Variants in NBAS observed in about 807,000 individuals in gnomAD.
The protein encoded by NBAS is NBAS subunit of NRZ tethering complex.
NBAS carries 219 observed loss-of-function variants against 302.5 expected under a neutral mutation model. The observed-to-expected ratio is 0.72, with a 90% CI of 0.65 to 0.81. The LOEUF (loss-of-function observed/expected upper bound fraction) is 0.81, where lower values mean the gene tolerates loss of function less well. Ranked by LOEUF, NBAS falls within the 30% of genes least tolerant of loss-of-function variation. The pLI is 0.00. For synonymous variants in NBAS, 1,118 were observed against 1,021.6 expected (o/e 1.09, Z -1.80); for missense variants, 2,932 against 2,841.6 (o/e 1.03, Z -0.72).
At chr2:14,799,352 T>C in the NBAS span, among the ~76,000 whole-genome samples, 1 of 152,142 alleles carries the variant, frequency 6.6e-6, no homozygotes, top group Non-Finnish European at 1.5e-5. Flanking sequence ...TATCCAAATA[T>C]TCAAAGATCT....
At chr2:15,079,968 C>T in the NBAS span, among the ~76,000 whole-genome samples, 1 of 152,142 alleles carries the variant, frequency 6.6e-6, no homozygotes. Context: ...ATAAGCCGTG[C>T]TTTTCTTACT....
chr2:15,081,561 G>C, the NBAS span, among the ~76,000 whole-genome samples: 4 of 152,194 alleles, frequency 2.6e-5, no homozygotes, highest in Non-Finnish European at 5.9e-5. Context: ...TCATCCAAAG[G>C]CATTGCGCAA....
chr2:15,050,620 T>G, the NBAS span, among the ~76,000 whole-genome samples: 1 of 152,184 alleles, frequency 6.6e-6, no homozygotes, highest in Admixed American at 6.5e-5. Flanking sequence ...CAGCAGCATC[T>G]TAGGGAGCAT....
the NBAS span, among the ~76,000 whole-genome samples, chr2:14,952,156 A>T: frequency 6.6e-6 from 1 of 152,164 alleles, no homozygotes; most frequent in Non-Finnish European, 1.5e-5. Context: ...GCTTTGCTCC[A>T]GGAAGCTGGT....
chr2:15,201,554 T>C (rs1665879279), intron 48 of NBAS, among the ~76,000 whole-genome samples: 1 of 152,240 alleles, frequency 6.6e-6, no homozygotes, highest in African/African-American at 2.4e-5. Context: ...AGCAAGTATT[T>C]AATAAACAAT....
At chr2:14,908,029 C>G in the NBAS span, among the ~76,000 whole-genome samples, 1 of 152,210 alleles carries the variant, frequency 6.6e-6, no homozygotes, top group African/African-American at 2.4e-5. Context: ...TTAGGCCCAC[C>G]CTGGACATGA....
chr2:15,048,228 G>C, the NBAS span, among the ~76,000 whole-genome samples: 1 of 152,218 alleles, frequency 6.6e-6, no homozygotes. Context: ...AGCAAGGCTG[G>C]GGAGGCAAAA....
chr2:15,330,310 A>G (rs1450821389), intron 36 of NBAS, among the ~76,000 whole-genome samples: 1 of 152,186 alleles, frequency 6.6e-6, no homozygotes, highest in Non-Finnish European at 1.5e-5. Flanking sequence ...AATAATAGCA[A>G]AAGCAAGTAA....
chr2:15,182,284 T>A (rs1017979148), intron 50 of NBAS, among the ~76,000 whole-genome samples: 1 of 152,242 alleles, frequency 6.6e-6, no homozygotes, highest in East Asian at 1.9e-4. Context: ...TATACTTTGC[T>A]TTGAAATGCA....
At chr2:15,286,808 T>C (rs1335083414) in intron 42 of NBAS, among the ~76,000 whole-genome samples, 1 of 152,240 alleles carries the variant, frequency 6.6e-6, no homozygotes, top group African/African-American at 2.4e-5. Flanking sequence ...ACAGCTAGGA[T>C]GCCTGTTTTT....
At position 15,434,230 on chromosome 2, in the gene NBAS, A is replaced by G. The variant is rs575885028; in HGVS notation, c.2340-6436T>C. On this transcript the variant is annotated intron_variant, in intron 21 of 51. Transcript: ENST00000281513. ...TAATGTCAACAAAACAAGAGAGATAAACAAAACAAGAGAGATAAACAAAAC... is the reference window on the plus strand; with the variant it reads ...TAATGTCAACAAAACAAGAGAGATAGACAAAACAAGAGAGATAAACAAAAC... Among the ~76,000 whole-genome samples the G allele has an allele frequency of 5.9e-5, 9 of 152,274 alleles. No individual in the cohort carries two copies. The South Asian group carries it at 1.9e-3, about 32-fold the overall frequency.
the NBAS span, among the ~76,000 whole-genome samples, chr2:14,838,627 G>A: frequency 6.6e-6 from 1 of 151,654 alleles, no homozygotes; most frequent in Non-Finnish European, 1.5e-5. Flanking sequence ...ATTTTTTATT[G>A]TATACCAGAG....
the NBAS span, among the ~76,000 whole-genome samples, chr2:15,157,817 ACT>A: frequency 1.3e-5 from 2 of 152,156 alleles, no homozygotes; most frequent in Non-Finnish European, 2.9e-5. Context: ...GCTGCTTGTG[ACT>A]AGGTGACCCT....
At chr2:15,287,564 T>G (rs1288692256) in intron 41 of NBAS, among the ~76,000 whole-genome samples, 1 of 152,062 alleles carries the variant, frequency 6.6e-6, no homozygotes, top group Admixed American at 6.6e-5. Context: ...GCATAGACAG[T>G]CCCACACAGG....
intron 1 of NBAS, among the ~76,000 whole-genome samples, chr2:15,559,222 C>A (rs1664794760): frequency 6.6e-6 from 1 of 152,038 alleles, no homozygotes; most frequent in South Asian, 2.1e-4. Context: ...AATCCAAAGA[C>A]AAGAGAAGTC....
intron 32 of NBAS, among the ~76,000 whole-genome samples, chr2:15,362,612 C>T (rs73197095): frequency 0.025 from 3,872 of 152,152 alleles, 120 homozygotes; most frequent in African/African-American, 0.071. Context: ...ATATTGGAAA[C>T]GGAATATGTA....
the NBAS span, among the ~76,000 whole-genome samples, chr2:14,997,051 T>TA: frequency 1.6e-3 from 236 of 149,238 alleles, 2 homozygotes; most frequent in South Asian, 0.014. Flanking sequence ...TTTTCTTTTA[T>TA]AAAAAAAAAA....
intron 11 of NBAS, among the ~76,000 whole-genome samples, chr2:15,493,761 T>C (rs1680959365): frequency 6.6e-6 from 1 of 152,042 alleles, no homozygotes; most frequent in Admixed American, 6.5e-5. Context: ...ATAATAATCT[T>C]GTTCTCTTCT....
intron 9 of NBAS, among the ~76,000 whole-genome samples, chr2:15,524,079 T>C (rs1035153705): frequency 6.6e-6 from 1 of 152,230 alleles, no homozygotes; most frequent in Non-Finnish European, 1.5e-5. Context: ...TACATCATCT[T>C]ATTTGTTCAT....
Sources: gnomAD v4.1 joint callset for allele counts (sites outside exome capture counted in the v4.1 genomes callset) on GRCh38, gnomAD v4.1.1 for gene constraint, MANE v1.5 for transcripts, NCBI Gene and HGNC (gene_info 2026-07-23, HGNC 2026-07-21) for gene names.